LYRM4: variants seen among roughly 807,000 people sequenced by gnomAD.
LYRM4 encodes the protein LYR motif containing 4.
Under a neutral mutation model 11.7 loss-of-function variants are expected in LYRM4, and 9 were observed. That is an observed-to-expected ratio of 0.77 (90% CI 0.46 to 1.34). LYRM4 has a LOEUF of 1.34. Ranked by LOEUF, LYRM4 falls within the 40% of genes most tolerant of loss-of-function variation. The pLI is 0.00. For synonymous variants in LYRM4, 42 were observed against 40.4 expected (o/e 1.04, Z -0.15); for missense variants, 133 against 112.5 (o/e 1.18, Z -0.82).
intron 2 of LYRM4, among the ~76,000 whole-genome samples, chr6:5,208,618 T>C (rs184548615): frequency 1.3e-5 from 2 of 152,200 alleles, no homozygotes; most frequent in Non-Finnish European, 2.9e-5. Context: ...TTTATGCACA[T>C]CATCCTCGGA....
intron 1 of LYRM4, among the ~76,000 whole-genome samples, chr6:5,242,766 C>CTT (rs59883253): frequency 8.6e-5 from 11 of 128,080 alleles, no homozygotes; most frequent in Non-Finnish European, 1.3e-4. Context: ...GATTTCTGCT[C>CTT]TTTTTTTTTT....
intron 2 of LYRM4, among the ~76,000 whole-genome samples, chr6:5,199,851 T>G (rs1296986027): frequency 6.6e-6 from 1 of 152,228 alleles, no homozygotes; most frequent in Non-Finnish European, 1.5e-5. Flanking sequence ...TGCCTTGTTT[T>G]GCTTCTACAG....
chr6:5,080,179 A>T, the LYRM4 span, among the ~76,000 whole-genome samples: 3 of 152,338 alleles, frequency 2.0e-5, no homozygotes, highest in African/African-American at 7.2e-5. Flanking sequence ...CAAGTTTGTA[A>T]TTTGGCTAGT....
At chr6:5,103,969 T>A (rs1426562698), downstream of LYRM4, 1 of 145,952 alleles carries the variant, frequency 6.9e-6, no homozygotes, top group Non-Finnish European at 1.5e-5. Flanking sequence ...CAAATACTAG[T>A]TTATATGAAG....
the LYRM4 span, among the ~76,000 whole-genome samples, chr6:5,082,838 C>T: frequency 6.6e-6 from 1 of 152,218 alleles, no homozygotes; most frequent in South Asian, 2.1e-4. Context: ...GCCACCCTGG[C>T]CTTCTTCCAG....
intron 2 of LYRM4, among the ~76,000 whole-genome samples, chr6:5,187,851 A>T (rs147536962): frequency 3.3e-4 from 51 of 152,334 alleles, no homozygotes; most frequent in East Asian, 9.6e-4. Context: ...AGAAGCTGTA[A>T]GGGAGTATTT....
intron 1 of LYRM4, among the ~76,000 whole-genome samples, chr6:5,219,099 C>G (rs2127726837): frequency 6.6e-6 from 1 of 152,176 alleles, no homozygotes; most frequent in African/African-American, 2.4e-5. Context: ...CTTGGAAAAA[C>G]AAAATGGGCA....
At chr6:5,225,376 C>T (rs1762825863) in intron 1 of LYRM4, among the ~76,000 whole-genome samples, 1 of 152,042 alleles carries the variant, frequency 6.6e-6, no homozygotes, top group South Asian at 2.1e-4. Context: ...GATGCTATCA[C>T]AGTTGGCAGT....
chr6:5,227,228 A>G (rs1466534540), intron 1 of LYRM4, among the ~76,000 whole-genome samples: 1 of 152,198 alleles, frequency 6.6e-6, no homozygotes, highest in Non-Finnish European at 1.5e-5. Context: ...GTGTGAGGCA[A>G]CACCATGGGG....
intron 2 of LYRM4, among the ~76,000 whole-genome samples, chr6:5,137,808 T>A (rs1757178931): frequency 2.0e-5 from 3 of 152,142 alleles, no homozygotes; most frequent in Admixed American, 2.0e-4. Flanking sequence ...CACACTGGAG[T>A]AAGAGTTGAC....
chr6:5,115,729 T>G (rs1049594242), intron 2 of LYRM4, among the ~76,000 whole-genome samples: 4 of 152,174 alleles, frequency 2.6e-5, no homozygotes, highest in Non-Finnish European at 4.4e-5. Flanking sequence ...TATAGTCTGC[T>G]TTGACAGAAG....
At chr6:5,049,844 AT>A in the LYRM4 span, among the ~76,000 whole-genome samples, 29 of 152,026 alleles carry the variant, frequency 1.9e-4, no homozygotes, top group African/African-American at 6.8e-4. Flanking sequence ...TAATTTTTGT[AT>A]TTTTAGTAGA....
intron 1 of LYRM4, among the ~76,000 whole-genome samples, chr6:5,238,399 T>A (rs1238080411): frequency 6.6e-6 from 1 of 152,212 alleles, no homozygotes; most frequent in East Asian, 1.9e-4. Context: ...ACTCCCAGCG[T>A]AATTCTATAC....
At chr6:5,146,965 C>A (rs959243310) in intron 2 of LYRM4, among the ~76,000 whole-genome samples, 1 of 152,112 alleles carries the variant, frequency 6.6e-6, no homozygotes, top group Non-Finnish European at 1.5e-5. Flanking sequence ...AGCAGAAGAG[C>A]ATGTGAGAGC....
At chr6:5,168,821 G>T (rs1045568648) in intron 2 of LYRM4, among the ~76,000 whole-genome samples, 4 of 152,148 alleles carry the variant, frequency 2.6e-5, no homozygotes, top group African/African-American at 9.7e-5. Context: ...GTATGTTGAA[G>T]AATTTAGGGG....
At chr6:5,193,191 A>G (rs1268886587) in intron 2 of LYRM4, among the ~76,000 whole-genome samples, 1 of 152,200 alleles carries the variant, frequency 6.6e-6, no homozygotes, top group Non-Finnish European at 1.5e-5. Flanking sequence ...AACAACAAGG[A>G]AACAACCCTT....
At chr6:5,055,000 C>T in the LYRM4 span, among the ~76,000 whole-genome samples, 1 of 152,094 alleles carries the variant, frequency 6.6e-6, no homozygotes, top group South Asian at 2.1e-4. Flanking sequence ...AGTCTGACAC[C>T]TTTTAGGGTC....
At chr6:5,138,833 G>T in intron 2 of LYRM4, 1 of 923,572 alleles carries the variant, frequency 1.1e-6, no homozygotes, top group Non-Finnish European at 1.6e-6. Context: ...AAGTGCTAGA[G>T]GTGTTTAAGA....
chr6:5,223,406 C>T (rs1401465168), intron 1 of LYRM4, among the ~76,000 whole-genome samples: 4 of 152,138 alleles, frequency 2.6e-5, no homozygotes, highest in Non-Finnish European at 4.4e-5. Context: ...AGGCCAAGAT[C>T]GCATGTCTCG....
Sources: allele counts gnomAD v4.1 joint callset (sites outside exome capture counted in the v4.1 genomes callset), GRCh38; gene constraint gnomAD v4.1.1; transcripts MANE v1.5; gene names NCBI Gene and HGNC (gene_info 2026-07-23, HGNC 2026-07-21).